Variants in ATG14 observed in about 807,000 individuals in gnomAD.
ATG14 encodes autophagy related 14, also known as beclin 1-associated autophagy-related key regulator.
In ATG14, 35 loss-of-function variants were observed where a neutral mutation model predicts 60.4. The observed-to-expected ratio is 0.58, with a 90% CI of 0.44 to 0.77. The LOEUF is 0.77. Ranked by LOEUF, ATG14 falls within the 30% of genes least tolerant of loss-of-function variation. The pLI is 0.00. For missense variants in ATG14, 647 were observed against 626.3 expected, an observed-to-expected ratio of 1.03 and a Z score of -0.35; for synonymous variants, 234 against 228.8, an observed-to-expected ratio of 1.02 and a Z score of -0.21.
chr14:55,381,738 G>A (rs1885037181), intron 6 of ATG14, among the ~76,000 whole-genome samples: 1 of 152,192 alleles, frequency 6.6e-6, no homozygotes, highest in African/African-American at 2.4e-5. Context: ...GTTGCCAGGA[G>A]CTGAGGGGAA....
intron 9 of ATG14, among the ~76,000 whole-genome samples, chr14:55,371,535 G>A (rs1276369287): frequency 3.9e-5 from 6 of 152,130 alleles, no homozygotes; most frequent in Admixed American, 1.3e-4. Flanking sequence ...GGCCGGGCGC[G>A]GTGGCTCACA....
At position 55,391,471 on chromosome 14, in the gene ATG14, TA is replaced by T. The variant is rs746307684; in HGVS notation, c.328-480del. Among the ~76,000 whole-genome samples the T allele has an allele frequency of 4.0e-3, 305 of 75,806 alleles. No homozygotes were observed. In the Middle Eastern group the frequency reaches 0.056, roughly 14 times the overall value. The allele number at this position is 75,806 out of a possible 152,430, so 49.7% of individuals were successfully genotyped here. A position where few individuals can be genotyped will look rare whatever the true frequency, so the allele number is the denominator to read the frequency against. On this transcript the variant is annotated intron_variant, in intron 3 of 9. Coordinates refer to ENST00000247178, the MANE Select transcript of ATG14 (RefSeq NM_014924.5). Reference sequence around the variant, plus strand: ...AGCCTGGCAACTGAGTGAGACTCCATAAAAAAAAAAAAAAAAAAAGGAAAGG... The same window carrying T: ...AGCCTGGCAACTGAGTGAGACTCCATAAAAAAAAAAAAAAAAAAGGAAAGG...
chr14:55,397,206 T>A (rs1594783282), intron 2 of ATG14, among the ~76,000 whole-genome samples, 166 bp downstream of exon 2: 1 of 152,130 alleles, frequency 6.6e-6, no homozygotes, highest in East Asian at 1.9e-4. Context: ...CTTGGTAACT[T>A]CTCCTGCTTT....
intron 5 of ATG14, among the ~76,000 whole-genome samples, chr14:55,384,955 G>C (rs970876263): frequency 6.6e-6 from 1 of 152,226 alleles, no homozygotes; most frequent in Non-Finnish European, 1.5e-5. Flanking sequence ...TTTCTCAGAT[G>C]AACAGCCAGA....
chr14:55,395,961 T>A lies in ATG14; in HGVS notation c.306A>T (p.Gly102=). 6.3e-7 allele frequency: 1 copy of A among 1,596,332 alleles called. No individual in the cohort carries two copies. The highest frequency in any genetic ancestry group is 8.5e-7 in the Non-Finnish European group (1 of 1,173,064). Residue 102 remains glycine (G), a synonymous_variant, in exon 3 of 10, where the codon GGA becomes GGT. Coordinates refer to ENST00000247178, the MANE Select transcript of ATG14 (RefSeq NM_014924.5). Reference sequence around the variant, plus strand: ...TTACCAACTGATCTGTTATCCATTTTCCTTCCATAGCTTTTAACACTCTGT... The same window carrying A: ...TTACCAACTGATCTGTTATCCATTTACCTTCCATAGCTTTTAACACTCTGT... ...FQKEVLKAME[G]KWITDQLRWK...
At chr14:55,409,073 G>A (rs1330389440) in intron 1 of ATG14, among the ~76,000 whole-genome samples, 1 of 152,198 alleles carries the variant, frequency 6.6e-6, no homozygotes, top group South Asian at 2.1e-4. Flanking sequence ...ACTAAAAGAA[G>A]GGAGATCACT....
At chr14:55,371,563 T>C (rs1884817029) in intron 9 of ATG14, among the ~76,000 whole-genome samples, 1 of 151,208 alleles carries the variant, frequency 6.6e-6, no homozygotes, top group Non-Finnish European at 1.5e-5. Context: ...TCCCAGCACT[T>C]TGGGAGGCTG....
intron 4 of ATG14, among the ~76,000 whole-genome samples, chr14:55,387,754 C>G (rs146540288): frequency 0.058 from 8,838 of 152,012 alleles, 325 homozygotes; most frequent in South Asian, 0.089. Context: ...CTGCAACCTC[C>G]GCCTCCCGGG....
At chr14:55,370,829 C>CG in intron 9 of ATG14, among the ~76,000 whole-genome samples, 2 of 152,112 alleles carry the variant, frequency 1.3e-5, no homozygotes, top group South Asian at 4.2e-4. Context: ...TTAGTAGAGA[C>CG]GGGGTTTCAC....
intron 9 of ATG14, among the ~76,000 whole-genome samples, chr14:55,374,314 C>T (rs77236207): frequency 7.7e-4 from 118 of 152,302 alleles, no homozygotes; most frequent in African/African-American, 2.7e-3. Flanking sequence ...CCTCCAACTC[C>T]TGAGCTCAAG....
At chr14:55,373,446 T>C (rs1326460703) in intron 9 of ATG14, among the ~76,000 whole-genome samples, 1 of 152,140 alleles carries the variant, frequency 6.6e-6, no homozygotes, top group Non-Finnish European at 1.5e-5. Context: ...TGTATATGAC[T>C]GTACTATTTT....
chr14:55,393,648 G>C (rs1185850572), intron 3 of ATG14, among the ~76,000 whole-genome samples: 1 of 151,238 alleles, frequency 6.6e-6, no homozygotes, highest in African/African-American at 2.4e-5. Context: ...TGGCTCAAGT[G>C]ATCCTCCCAC....
intron 7 of ATG14, 133 bp from the exon 8 acceptor site, chr14:55,378,207 A>G (rs1884957662): frequency 3.0e-6 from 2 of 676,472 alleles, no homozygotes; most frequent in Non-Finnish European, 2.5e-6. Flanking sequence ...GCACTTAAAG[A>G]CTTTCTAAGA....
rs41299199 is a variant in ATG14, at chr14:55,369,272, C to T, written c.*347G>A. 0.06 allele frequency: 10,609 copies of T among 176,670 alleles called. 385 individuals carry two copies. Among genetic ancestry groups the T allele is most frequent in the South Asian group, 0.09 (460 of 5,108 alleles). 10.9% of individuals were successfully genotyped at this position (176,670 alleles called of 1,614,324 possible). ...AGTCTCAGCACCGCAAGGACCAGCACACTGACCCATATCTGTGGGCCCGGT... is the reference window on the plus strand; with the variant it reads ...AGTCTCAGCACCGCAAGGACCAGCATACTGACCCATATCTGTGGGCCCGGT... On this transcript the variant is annotated 3_prime_UTR_variant, in exon 10 of 10. Coordinates refer to ENST00000247178, the MANE Select transcript of ATG14 (RefSeq NM_014924.5).
chr14:55,377,173 C>G (rs113395157), intron 9 of ATG14, among the ~76,000 whole-genome samples: 2 of 152,012 alleles, frequency 1.3e-5, no homozygotes, highest in Non-Finnish European at 2.9e-5. Context: ...ATGATGAAAC[C>G]CTGTCTCTAC....
intron 9 of ATG14, among the ~76,000 whole-genome samples, chr14:55,377,059 T>C (rs1037191718): frequency 6.6e-5 from 10 of 152,108 alleles, no homozygotes; most frequent in Admixed American, 6.6e-5. Context: ...GATAAGAAAA[T>C]TGTGTGGCCA....
intron 1 of ATG14, 22 bp downstream of exon 1, chr14:55,411,580 A>G (rs1019923653): frequency 5.0e-6 from 8 of 1,589,488 alleles, no homozygotes; most frequent in Non-Finnish European, 6.8e-6. Context: ...AAGAAACAAT[A>G]GGGCCGTGGC....
At chr14:55,405,899 A>G (rs1885481653) in intron 1 of ATG14, among the ~76,000 whole-genome samples, 1 of 143,468 alleles carries the variant, frequency 7.0e-6, no homozygotes, top group African/African-American at 2.6e-5. Context: ...CGGGGGGGGC[A>G]GGGGAAGAAA....
chr14:55,378,991 C>T (rs1004236719), intron 7 of ATG14, among the ~76,000 whole-genome samples: 2 of 152,030 alleles, frequency 1.3e-5, no homozygotes, highest in East Asian at 3.9e-4. Context: ...TACAGGCAGG[C>T]ATGAGCCACC....
Sources: allele counts gnomAD v4.1 joint callset (sites outside exome capture counted in the v4.1 genomes callset), GRCh38; gene constraint gnomAD v4.1.1; transcripts MANE v1.5; gene names NCBI Gene and HGNC (gene_info 2026-07-23, HGNC 2026-07-21).